Variants in SPINK13 observed in about 807,000 individuals in gnomAD.
SPINK13 encodes serine peptidase inhibitor Kazal type 13.
A neutral mutation model predicts 11.0 loss-of-function variants in SPINK13; 11 were observed. The ratio of observed to expected loss-of-function variants is 1.00; its 90% CI spans 0.63 to 1.65. The LOEUF is 1.65. SPINK13 is among the 40% of genes most tolerant of loss of function. SPINK13 has a pLI of 0.00. For missense variants in SPINK13, 113 were observed against 117.7 expected, an observed-to-expected ratio of 0.96 and a Z score of 0.19; for synonymous variants, 31 against 35.6, an observed-to-expected ratio of 0.87 and a Z score of 0.46.
At chr5:148,275,471 AT>A (rs1356930477) in intron 3 of SPINK13, among the ~76,000 whole-genome samples, 2 of 152,116 alleles carry the variant, frequency 1.3e-5, no homozygotes, top group Non-Finnish European at 2.9e-5. Flanking sequence ...TTATAATAGA[AT>A]GATTTATAAT....
chr5:148,275,740 A>C (rs1380627737), intron 3 of SPINK13, among the ~76,000 whole-genome samples: 1 of 151,026 alleles, frequency 6.6e-6, no homozygotes, highest in African/African-American at 2.4e-5. Context: ...GGCTCACTGC[A>C]AGCTCCACCT....
In SPINK13 at chr5:148,269,789, A is replaced by C. The variant is rs541763666; in HGVS notation, c.-33-251A>C. Among the ~76,000 whole-genome samples, 3 of 152,162 alleles carry C rather than the reference A, an allele frequency of 2.0e-5. No homozygotes were observed. The East Asian group carries it at 5.8e-4, about 29-fold the overall frequency. On this transcript the variant is annotated intron_variant, in intron 1 of 4. Coordinates refer to ENST00000398450, the MANE Select transcript of SPINK13 (RefSeq NM_001040129.3). ...TCAGCCCTGATGAATATTGGGCCTAATTTTTCTTCCAGGCCAGAACTGTGA... is the reference window on the plus strand; with the variant it reads ...TCAGCCCTGATGAATATTGGGCCTACTTTTTCTTCCAGGCCAGAACTGTGA...
At chr5:148,284,065 G>A (rs1756555863) in intron 4 of SPINK13, among the ~76,000 whole-genome samples, 1 of 152,002 alleles carries the variant, frequency 6.6e-6, no homozygotes, top group Non-Finnish European at 1.5e-5. Flanking sequence ...TGGCAAAAAT[G>A]GGGATGAGGT....
chr5:148,282,273 CT>C (rs757762045), intron 4 of SPINK13, 42 bp downstream of exon 4: 7 of 1,604,186 alleles, frequency 4.4e-6, no homozygotes, highest in Non-Finnish European at 6.0e-6. Flanking sequence ...CCCTCTACTT[CT>C]TCACAGAAAT....
At chr5:148,284,407 G>T (rs1348108102) in intron 4 of SPINK13, among the ~76,000 whole-genome samples, 4 of 151,486 alleles carry the variant, frequency 2.6e-5, no homozygotes. Flanking sequence ...TTATTTCTCA[G>T]TCTAAGAATA....
intron 4 of SPINK13, among the ~76,000 whole-genome samples, chr5:148,284,734 T>A (rs1001017640): frequency 2.6e-5 from 4 of 152,198 alleles, no homozygotes; most frequent in Non-Finnish European, 5.9e-5. Flanking sequence ...CAAATTGGAC[T>A]CACTGCTCTC....
intron 2 of SPINK13, among the ~76,000 whole-genome samples, chr5:148,273,293 TA>T (rs143646300): frequency 1.1e-4 from 16 of 151,010 alleles, no homozygotes; most frequent in African/African-American, 2.4e-4. Flanking sequence ...CATTTTTAAG[TA>T]AAAAAAAATG....
In SPINK13 at chr5:148,286,172, T is replaced by C. The variant is rs1022063389; in HGVS notation, c.*124T>C. The C allele has an allele frequency of 6.1e-5, 32 of 526,172 alleles. No individual in the cohort carries two copies. Among genetic ancestry groups the C allele is most frequent in the Non-Finnish European group, 9.1e-5 (29 of 319,348 alleles). The allele number at this position is 526,172 out of a possible 1,614,324, so 32.6% of individuals were successfully genotyped here. ...TGCTGTACTTAAATGTCGAACAAAA[T>C]GAGAGACAAAAATGAAGGAATCAAA... On this transcript the variant is annotated 3_prime_UTR_variant, in exon 5 of 5. Transcript: ENST00000398450.
At chr5:148,273,060 G>T (rs2113364063) in intron 2 of SPINK13, among the ~76,000 whole-genome samples, 1 of 152,178 alleles carries the variant, frequency 6.6e-6, no homozygotes, top group Admixed American at 6.5e-5. Context: ...ATTTTTCTTA[G>T]CATGAGTAAG....
chr5:148,284,675 T>C (rs1185086780), intron 4 of SPINK13, among the ~76,000 whole-genome samples: 1 of 152,206 alleles, frequency 6.6e-6, no homozygotes, highest in East Asian at 1.9e-4. Flanking sequence ...AGGAGAAGGG[T>C]AATTCCTTGG....
chr5:148,277,458 C>A (rs1038935022), intron 3 of SPINK13, among the ~76,000 whole-genome samples: 1 of 152,058 alleles, frequency 6.6e-6, no homozygotes, highest in African/African-American at 2.4e-5. Flanking sequence ...TCAATCAATA[C>A]CTAGTTCATT....
chr5:148,276,906 G>C (rs573595354), intron 3 of SPINK13, among the ~76,000 whole-genome samples: 1 of 152,202 alleles, frequency 6.6e-6, no homozygotes, highest in Non-Finnish European at 1.5e-5. Context: ...TCCTATCCAT[G>C]AGTATGGGAT....
Position 148,286,218 on chromosome 5 carries a change from C to A in SPINK13, c.*170C>A. 5.4e-6 allele frequency: 2 copies of A among 372,894 alleles called. No homozygotes were observed. Among genetic ancestry groups the A allele is most frequent in the Non-Finnish European group, 9.7e-6 (2 of 205,420 alleles). The allele number at this position is 372,894 out of a possible 1,614,324, so 23.1% of individuals were successfully genotyped here. On this transcript the variant is annotated 3_prime_UTR_variant, in exon 5 of 5. Transcript: ENST00000398450. ...TCAAACTGACAAGAACCAAATATCA[C>A]ATTTGTTACAAATAAACAACAAAAG...
At chr5:148,270,006 G>T in intron 1 of SPINK13, 34 bp from the exon 2 acceptor site, 1 of 1,498,404 alleles carries the variant, frequency 6.7e-7, no homozygotes. Flanking sequence ...CTAGCTGTGG[G>T]GGAAACTAAA....
At chr5:148,271,681 T>C (rs1279597063) in intron 2 of SPINK13, among the ~76,000 whole-genome samples, 2 of 152,202 alleles carry the variant, frequency 1.3e-5, no homozygotes, top group Non-Finnish European at 2.9e-5. Context: ...TCTCACTCTG[T>C]CGCCCAGGCT....
chr5:148,285,897 G>C, intron 4 of SPINK13, 103 bp from the exon 5 acceptor site: 1 of 587,978 alleles, frequency 1.7e-6, no homozygotes, highest in Non-Finnish European at 2.9e-6. Flanking sequence ...TTTAAAAGCA[G>C]CTCCCTTTTC....
intron 3 of SPINK13, among the ~76,000 whole-genome samples, chr5:148,281,208 A>T (rs1756509430): frequency 6.6e-6 from 1 of 152,166 alleles, no homozygotes; most frequent in African/African-American, 2.4e-5. Flanking sequence ...AGTGGATCTT[A>T]GCTTGCTGGG....
intron 3 of SPINK13, among the ~76,000 whole-genome samples, chr5:148,276,775 A>T (rs1756435903): frequency 6.6e-6 from 1 of 152,186 alleles, no homozygotes; most frequent in Non-Finnish European, 1.5e-5. Context: ...TTTTGGTTCC[A>T]TATGAAATTC....
intron 4 of SPINK13, among the ~76,000 whole-genome samples, chr5:148,285,301 A>G (rs1345242581): frequency 6.6e-6 from 1 of 152,174 alleles, no homozygotes; most frequent in Non-Finnish European, 1.5e-5. Flanking sequence ...GATATATATC[A>G]AAGGTGAACC....
Sources: allele counts gnomAD v4.1 joint callset (sites outside exome capture counted in the v4.1 genomes callset), GRCh38; gene constraint gnomAD v4.1.1; transcripts MANE v1.5; gene names NCBI Gene and HGNC (gene_info 2026-07-23, HGNC 2026-07-21).